SAMD3: variants seen among roughly 807,000 people sequenced by gnomAD.
SAMD3 encodes the protein sterile alpha motif domain containing 3, also known as sterile alpha motif domain-containing protein 3.
A neutral mutation model predicts 58.5 loss-of-function variants in SAMD3; 63 were observed. That is an observed-to-expected ratio of 1.08 (90% CI 0.88 to 1.33). SAMD3 has a LOEUF of 1.33. SAMD3 is among the 40% of genes most tolerant of loss of function. The pLI is 0.00. For missense variants in SAMD3, 604 were observed against 608.4 expected (o/e 0.99, Z 0.08); for synonymous variants, 220 against 210.3 (o/e 1.05, Z -0.40).
At chr6:130,358,986 A>T (rs1777911924) in intron 1 of SAMD3, among the ~76,000 whole-genome samples, 1 of 152,186 alleles carries the variant, frequency 6.6e-6, no homozygotes, top group South Asian at 2.1e-4. Context: ...TTGAGAGCAC[A>T]GGCCTTAGCA....
intron 5 of SAMD3, among the ~76,000 whole-genome samples, chr6:130,189,664 C>T (rs1052615361): frequency 2.6e-5 from 4 of 152,176 alleles, no homozygotes; most frequent in African/African-American, 9.7e-5. Context: ...CTACACTAAT[C>T]CAAGTATTCG....
intron 2 of SAMD3, among the ~76,000 whole-genome samples, chr6:130,299,152 A>C (rs1775664715): frequency 6.6e-6 from 1 of 152,166 alleles, no homozygotes; most frequent in Non-Finnish European, 1.5e-5. Context: ...ACAATCACAT[A>C]ATATAATTTT....
At chr6:130,250,054 C>T (rs530454593) in intron 2 of SAMD3, among the ~76,000 whole-genome samples, 1 of 152,002 alleles carries the variant, frequency 6.6e-6, no homozygotes, top group Admixed American at 6.6e-5. Context: ...AGGAAATATG[C>T]GGGAATGGAG....
At chr6:130,214,311 A>T (rs755331421) in intron 4 of SAMD3, 26 bp downstream of exon 4, 2 of 1,508,602 alleles carry the variant, frequency 1.3e-6, no homozygotes, top group Non-Finnish European at 1.8e-6. Context: ...GGAAAAAAAA[A>T]TAAGGCCATT....
At chr6:130,302,020 C>T (rs1041366914) in intron 2 of SAMD3, among the ~76,000 whole-genome samples, 4 of 152,010 alleles carry the variant, frequency 2.6e-5, no homozygotes, top group Non-Finnish European at 5.9e-5. Flanking sequence ...GGACATTGGC[C>T]TAGACAAAGA....
intron 1 of SAMD3, among the ~76,000 whole-genome samples, chr6:130,334,620 G>A (rs963970447): frequency 1.3e-5 from 2 of 152,026 alleles, no homozygotes; most frequent in South Asian, 2.1e-4. Context: ...TATATAAAAC[G>A]GGGATCATTA....
intron 2 of SAMD3, among the ~76,000 whole-genome samples, chr6:130,309,769 A>G (rs892764230): frequency 6.6e-6 from 1 of 152,146 alleles, no homozygotes; most frequent in Non-Finnish European, 1.5e-5. Context: ...CTGCCATTGC[A>G]TTTGTTAACT....
intron 8 of SAMD3, chr6:130,160,860 GC>G (rs1483389882): frequency 1.6e-4 from 24 of 151,762 alleles, no homozygotes; most frequent in Admixed American, 1.6e-3. Flanking sequence ...AAATCTTTAA[GC>G]TTCAGATATG....
At chr6:130,333,700 G>A (rs974758042) in intron 1 of SAMD3, among the ~76,000 whole-genome samples, 15 of 152,182 alleles carry the variant, frequency 9.9e-5, no homozygotes, top group Non-Finnish European at 1.8e-4. Flanking sequence ...TCCGACAGGG[G>A]AGACATTTAG....
chr6:130,287,943 CAAAAA>C (rs3029967), intron 2 of SAMD3, among the ~76,000 whole-genome samples: 1 of 107,064 alleles, frequency 9.3e-6, no homozygotes. Flanking sequence ...GACTCCGTCT[CAAAAA>C]AAAAAAAAAA....
intron 10 of SAMD3, 133 bp from the exon 11 acceptor site, chr6:130,145,555 TCA>T: frequency 1.7e-6 from 1 of 572,816 alleles, no homozygotes; most frequent in East Asian, 2.9e-5. Context: ...GATCAATGTT[TCA>T]CACCTTTTTA....
chr6:130,180,123 T>A (rs564214154), intron 7 of SAMD3, among the ~76,000 whole-genome samples: 8 of 151,100 alleles, frequency 5.3e-5, no homozygotes, highest in East Asian at 3.9e-4. Context: ...CCTTTTTTTT[T>A]ATTATTATTA....
At chr6:130,305,106 C>G (rs926264747) in intron 2 of SAMD3, among the ~76,000 whole-genome samples, 1 of 151,542 alleles carries the variant, frequency 6.6e-6, no homozygotes, top group Non-Finnish European at 1.5e-5. Context: ...TGCTAACTTT[C>G]TGTATTTTTA....
At position 130,324,771 on chromosome 6, in the gene SAMD3, C is replaced by CA. The variant is rs542027313; in HGVS notation, c.-303-11679dup. Among the ~76,000 whole-genome samples, 23 of 110,272 alleles carry CA rather than the reference C, an allele frequency of 2.1e-4. No homozygotes were observed. The South Asian group carries it at 5.2e-3, about 25-fold the overall frequency. 72.3% of individuals were successfully genotyped at this position (110,272 alleles called of 152,430 possible). A position where few individuals can be genotyped will look rare whatever the true frequency, so the allele number is the denominator to read the frequency against. ...ATAACAAAAACTACTTTTTGGAGAA[C>CA]ATTTTTTTTTTTTTGGAATAGAAAA... On this transcript the variant is annotated intron_variant, in intron 1 of 13. Transcript: ENST00000368134.
At chr6:130,340,687 C>T (rs531641531) in intron 1 of SAMD3, among the ~76,000 whole-genome samples, 1 of 152,280 alleles carries the variant, frequency 6.6e-6, no homozygotes, top group South Asian at 2.1e-4. Flanking sequence ...TTTAATTCTA[C>T]AAAAATTCCT....
chr6:130,176,734 G>A (rs1791766177), intron 7 of SAMD3, among the ~76,000 whole-genome samples: 1 of 152,204 alleles, frequency 6.6e-6, no homozygotes, highest in Non-Finnish European at 1.5e-5. Flanking sequence ...TGCATGAAGG[G>A]ATGGAGATAG....
intron 1 of SAMD3, among the ~76,000 whole-genome samples, chr6:130,325,961 A>G (rs2115006645): frequency 6.6e-6 from 1 of 152,296 alleles, no homozygotes; most frequent in East Asian, 1.9e-4. Flanking sequence ...TTTGCCTCCC[A>G]TGCGTCTCCC....
chr6:130,302,991 T>C (rs896527393), intron 2 of SAMD3, among the ~76,000 whole-genome samples: 2 of 152,116 alleles, frequency 1.3e-5, no homozygotes, highest in African/African-American at 4.8e-5. Context: ...GCGAGTTAAC[T>C]ACAAGCCCAA....
intron 9 of SAMD3, among the ~76,000 whole-genome samples, chr6:130,149,193 T>C (rs970141647): frequency 4.0e-4 from 61 of 152,220 alleles, no homozygotes; most frequent in Non-Finnish European, 7.2e-4. Context: ...TATTTACTTA[T>C]GAGCACTAAC....
Sources: allele counts gnomAD v4.1 joint callset (sites outside exome capture counted in the v4.1 genomes callset), GRCh38; gene constraint gnomAD v4.1.1; transcripts MANE v1.5; gene names NCBI Gene and HGNC (gene_info 2026-07-23, HGNC 2026-07-21).